PARD3B: variants seen among roughly 807,000 people sequenced by gnomAD.
PARD3B encodes par-3 family cell polarity regulator beta.
PARD3B carries 103 observed loss-of-function variants against 130.2 expected under a neutral mutation model. The observed-to-expected ratio is 0.79, with a 90% CI of 0.67 to 0.93. The LOEUF (loss-of-function observed/expected upper bound fraction) is 0.93, where lower values mean the gene tolerates loss of function less well. Among genes scored for constraint, PARD3B ranks in the 40% least tolerant of loss-of-function variants. The pLI is 0.00. For missense variants in PARD3B, 1,609 were observed against 1,499.2 expected, an observed-to-expected ratio of 1.07 and a Z score of -1.21; for synonymous variants, 583 against 553.2, an observed-to-expected ratio of 1.05 and a Z score of -0.76.
At chr2:204,847,762 T>A (rs968103472) in intron 2 of PARD3B, among the ~76,000 whole-genome samples, 1 of 152,168 alleles carries the variant, frequency 6.6e-6, no homozygotes, top group Non-Finnish European at 1.5e-5. Flanking sequence ...GTAGTGTTGT[T>A]GGCAATTTGA....
chr2:204,568,631 A>C (rs1455505926), intron 1 of PARD3B, among the ~76,000 whole-genome samples: 1 of 152,190 alleles, frequency 6.6e-6, no homozygotes, highest in Non-Finnish European at 1.5e-5. Flanking sequence ...CAATTAGGTA[A>C]TTACAAGAAA....
intron 1 of PARD3B, among the ~76,000 whole-genome samples, chr2:204,646,673 C>T (rs2035285978): frequency 6.6e-6 from 1 of 151,934 alleles, no homozygotes; most frequent in Non-Finnish European, 1.5e-5. Flanking sequence ...TTTTCCACTT[C>T]CCAGATAATG....
At chr2:205,542,144 CAAAAAAAAAA>C (rs71032484) in intron 21 of PARD3B, among the ~76,000 whole-genome samples, 403 of 38,058 alleles carry the variant, frequency 0.011, 5 homozygotes, top group African/African-American at 0.051. Context: ...ACTCCGTCTC[CAAAAAAAAAA>C]AAAAAAAAAA....
At chr2:205,155,530 TA>T (rs549853135) in intron 10 of PARD3B, among the ~76,000 whole-genome samples, 14 of 152,044 alleles carry the variant, frequency 9.2e-5, no homozygotes, top group African/African-American at 2.7e-4. Context: ...AAAATGAAAA[TA>T]AAAAAATTTT....
chr2:204,833,836 T>A (rs1485413264), intron 2 of PARD3B, among the ~76,000 whole-genome samples: 1 of 152,106 alleles, frequency 6.6e-6, no homozygotes, highest in African/African-American at 2.4e-5. Flanking sequence ...CTTTTCAGTG[T>A]CTTACCATTT....
intron 3 of PARD3B, among the ~76,000 whole-genome samples, chr2:205,027,492 T>A (rs1056627669): frequency 6.6e-6 from 1 of 152,164 alleles, no homozygotes; most frequent in Non-Finnish European, 1.5e-5. Flanking sequence ...TTGCAAATAA[T>A]TTTTCCCAAT....
intron 19 of PARD3B, among the ~76,000 whole-genome samples, chr2:205,430,316 ACTGT>A (rs2047286042): frequency 6.6e-6 from 1 of 152,182 alleles, no homozygotes; most frequent in Non-Finnish European, 1.5e-5. Flanking sequence ...TTAACGGTCA[ACTGT>A]CTGTTTTAGG....
intron 1 of PARD3B, among the ~76,000 whole-genome samples, chr2:204,661,404 C>T (rs1456629051): frequency 6.6e-6 from 1 of 152,062 alleles, no homozygotes; most frequent in African/African-American, 2.4e-5. Context: ...TTGGAGTCCC[C>T]GAGATGCAAC....
rs907928525 is a variant in PARD3B at position 205,461,593 on chromosome 2, G to A, written c.3044+20921G>A. 2.0e-5 allele frequency among the ~76,000 whole-genome samples: 3 copies of A among 152,154 alleles called. No individual in the cohort carries two copies. The highest frequency in any genetic ancestry group is 7.2e-5 in the African/African-American group (3 of 41,442). On this transcript the variant is annotated intron_variant, in intron 20 of 22. Transcript: ENST00000406610. The surrounding 1 kb of genome is among the most constrained non-coding windows in gnomAD (Gnocchi z 4.3). Reference sequence around the variant, plus strand: ...TCACTTATTTTCAGGGCTATGAGGTGCCTTATTAATGTGATAAATGTTTGC... The same window carrying A: ...TCACTTATTTTCAGGGCTATGAGGTACCTTATTAATGTGATAAATGTTTGC...
Position 204,713,124 on chromosome 2 carries a change from G to C in PARD3B, c.222+26842G>C, listed in dbSNP as rs10196548. ...TGTTGAAGGACATTGGGCTGTATAT[G>C]ATTTTTTCTGTTGCTTTATTCTTCA... On this transcript the variant is annotated intron_variant, in intron 2 of 22. Transcript: ENST00000406610. Among the ~76,000 whole-genome samples the C allele has an allele frequency of 3.5e-3, 534 of 151,934 alleles. 1 individual carries two copies. The highest frequency in any genetic ancestry group is 0.012 in the African/African-American group (494 of 41,450).
At chr2:205,077,162 G>C (rs1701117947) in intron 4 of PARD3B, among the ~76,000 whole-genome samples, 1 of 152,134 alleles carries the variant, frequency 6.6e-6, no homozygotes, top group Non-Finnish European at 1.5e-5. Context: ...TGTCAGGTGA[G>C]TAGAGAGGGA....
At position 205,619,086 on chromosome 2, in the gene PARD3B, T is replaced by A. The variant is rs1158230686; in HGVS notation, c.*3273T>A. 1 of 152,172 alleles carries A rather than the reference T, an allele frequency of 6.6e-6. No homozygotes were observed. The highest frequency in any genetic ancestry group is 1.5e-5 in the Non-Finnish European group (1 of 68,036). 9.4% of individuals were successfully genotyped at this position (152,172 alleles called of 1,614,324 possible). ...TGATGGGGAAGAACAGAGGCTTCAC[T>A]GTAGCTATAGTTTTCCACCAAGTCA... is the stretch of plus-strand genomic sequence containing the variant. On this transcript the variant is annotated 3_prime_UTR_variant, in exon 23 of 23. Coordinates refer to ENST00000406610, the MANE Select transcript of PARD3B (RefSeq NM_001302769.2).
chr2:204,998,388 GTATATATGTATATA>G (rs1559341668), intron 3 of PARD3B, among the ~76,000 whole-genome samples: 67 of 76,130 alleles, frequency 8.8e-4, no homozygotes, highest in Admixed American at 1.1e-3. Flanking sequence ...ATATGTGTGT[GTATATATGTATATA>G]TGTGTATATA....
chr2:204,726,553 C>G (rs947168129), intron 2 of PARD3B, among the ~76,000 whole-genome samples: 2 of 152,188 alleles, frequency 1.3e-5, no homozygotes, highest in Admixed American at 6.5e-5. Context: ...AACCGCATCT[C>G]TAACCTTTTA....
intron 22 of PARD3B, among the ~76,000 whole-genome samples, chr2:205,577,689 T>C (rs2053812109): frequency 6.6e-6 from 1 of 152,214 alleles, no homozygotes; most frequent in Non-Finnish European, 1.5e-5. Flanking sequence ...TTTCTTTTCC[T>C]GTGATGACAA....
At chr2:204,590,297 C>T (rs1277198467) in intron 1 of PARD3B, among the ~76,000 whole-genome samples, 1 of 152,154 alleles carries the variant, frequency 6.6e-6, no homozygotes, top group Non-Finnish European at 1.5e-5. Context: ...GACTTAATTA[C>T]CTTCCCAACG....
chr2:204,875,202 A>G (rs1454433827), intron 2 of PARD3B, among the ~76,000 whole-genome samples: 1 of 152,192 alleles, frequency 6.6e-6, no homozygotes, highest in African/African-American at 2.4e-5. Context: ...TAATCTTAGG[A>G]CATTTTAATC....
At chr2:205,466,623 A>T (rs1353496712) in intron 20 of PARD3B, among the ~76,000 whole-genome samples, 1 of 152,244 alleles carries the variant, frequency 6.6e-6, no homozygotes, top group African/African-American at 2.4e-5. Context: ...AAGAGTTTCA[A>T]TGGCTGTGTT....
At chr2:204,578,108 G>A (rs989442058) in intron 1 of PARD3B, among the ~76,000 whole-genome samples, 3 of 152,188 alleles carry the variant, frequency 2.0e-5, no homozygotes, top group Admixed American at 6.5e-5. Flanking sequence ...CCCAAATGTC[G>A]GTAGTACAGA....
Sources: gnomAD v4.1 joint callset for allele counts (sites outside exome capture counted in the v4.1 genomes callset) on GRCh38, gnomAD v4.1.1 for gene constraint, Gnocchi (gnomAD v3.1) non-coding constraint, MANE v1.5 for transcripts, NCBI Gene and HGNC (gene_info 2026-07-23, HGNC 2026-07-21) for gene names.